The following RAVER2 variants were observed in gnomAD, a reference collection of about 807,000 sequenced individuals.
The protein encoded by RAVER2 is ribonucleoprotein PTB-binding 2.
Under a neutral mutation model 78.1 loss-of-function variants are expected in RAVER2, and 46 were observed. That is an observed-to-expected ratio of 0.59 (90% CI 0.46 to 0.75). The LOEUF (loss-of-function observed/expected upper bound fraction) is 0.75. Among genes scored for constraint, RAVER2 ranks in the 30% least tolerant of loss-of-function variants. The probability of loss-of-function intolerance (pLI) is 0.00; values close to 1 mark genes in which losing one functional copy is unlikely to be tolerated. For synonymous variants in RAVER2, 311 were observed against 313.3 expected, an observed-to-expected ratio of 0.99 and a Z score of 0.08; for missense variants, 793 against 837.5, an observed-to-expected ratio of 0.95 and a Z score of 0.66.
intron 4 of RAVER2, among the ~76,000 whole-genome samples, chr1:64,786,081 T>G (rs933382714): frequency 3.3e-5 from 5 of 152,224 alleles, no homozygotes; most frequent in African/African-American, 1.2e-4. Context: ...CTTACAATAC[T>G]TTGAAAATAT....
intron 11 of RAVER2, among the ~76,000 whole-genome samples, chr1:64,830,235 G>A (rs1654091149): frequency 6.8e-6 from 1 of 147,414 alleles, no homozygotes; most frequent in South Asian, 2.1e-4. Flanking sequence ...GAGGACATGT[G>A]GCCCACTTTC....
intron 1 of RAVER2, among the ~76,000 whole-genome samples, chr1:64,764,947 A>G (rs1652134528): frequency 6.6e-6 from 1 of 152,256 alleles, no homozygotes; most frequent in African/African-American, 2.4e-5. Flanking sequence ...AGCAACACCT[A>G]TATTAGTGTT....
At chr1:64,821,380 C>T (rs1653883978) in intron 11 of RAVER2, among the ~76,000 whole-genome samples, 1 of 152,156 alleles carries the variant, frequency 6.6e-6, no homozygotes, top group Non-Finnish European at 1.5e-5. Flanking sequence ...GTTTCTTTTG[C>T]TTGCAGAGGC....
chr1:64,809,957 A>G (rs1653559554), intron 9 of RAVER2, among the ~76,000 whole-genome samples: 1 of 152,184 alleles, frequency 6.6e-6, no homozygotes. Context: ...ATAATATTCC[A>G]TTGTACGTAT....
intron 4 of RAVER2, among the ~76,000 whole-genome samples, chr1:64,786,284 A>G (rs1020491951): frequency 1.3e-5 from 2 of 152,184 alleles, no homozygotes; most frequent in Non-Finnish European, 2.9e-5. Context: ...TAGAAATCAT[A>G]TTTGGAAGAC....
In RAVER2 at chr1:64,781,518, C is replaced by T; in HGVS notation, c.925C>T (p.Pro309Ser). 2 of 1,614,118 alleles carry T rather than the reference C, an allele frequency of 1.2e-6. No homozygotes were observed. Among genetic ancestry groups the T allele is most frequent in the South Asian group, 2.2e-5 (2 of 91,076 alleles). ...CAAAGTCCAGGTTTCCTTCTGTGCT[C>T]CTGGAGCGCCAGGGCGAAGTACATT... The change falls in exon 4 of 12, where the codon CCT becomes TCT. Residue 309 changes from proline (P) to serine (S), a missense_variant. By Grantham distance (74) the Pro-to-Ser change is moderately conservative. Coordinates refer to ENST00000294428, the Ensembl canonical transcript of RAVER2.
intron 1 of RAVER2, among the ~76,000 whole-genome samples, chr1:64,758,997 T>C (rs910530948): frequency 6.6e-6 from 1 of 151,586 alleles, no homozygotes; most frequent in Non-Finnish European, 1.5e-5. Context: ...TCTAAATCTA[T>C]CTCTTGAAGA....
rs564949468 is a variant in RAVER2, at chr1:64,754,284, C to T, written c.249+8863C>T. 1.2e-4 allele frequency among the ~76,000 whole-genome samples: 18 copies of T among 152,246 alleles called. No individual in the cohort carries two copies. The South Asian group carries it at 3.5e-3, about 30-fold the overall frequency. ...TTGATTCCAAAGCTTATATCCTTAT[C>T]TCCCATTGTATTATAATTCCTCTCT... On this transcript the variant is annotated intron_variant, in intron 1 of 11. Transcript: ENST00000294428.
At chr1:64,821,255 T>C (rs189591409) in intron 11 of RAVER2, among the ~76,000 whole-genome samples, 1 of 152,218 alleles carries the variant, frequency 6.6e-6, no homozygotes, top group South Asian at 2.1e-4. Flanking sequence ...AATGGGGTTG[T>C]TTTTTTCTTG....
At position 64,745,428 on chromosome 1, in the gene RAVER2, G is replaced by A. The variant is rs1407710895; in HGVS notation, c.249+7G>A. Reference sequence around the variant, plus strand: ...CCAGGACAGCAACTGCCAGGTACTGGGACGGTGATAGGGGCGACGCGTCCC... The same window carrying A: ...CCAGGACAGCAACTGCCAGGTACTGAGACGGTGATAGGGGCGACGCGTCCC... On this transcript the variant is annotated splice_region_variant and intron_variant, in intron 1 of 11. Transcript: ENST00000294428. This position sits in a 1 kb window ranked among gnomAD's most constrained non-coding sequence, Gnocchi z 4.3. The A allele has an allele frequency of 2.6e-6, 4 of 1,526,746 alleles. No individual in the cohort carries two copies. The highest frequency in any genetic ancestry group is 3.5e-6 in the Non-Finnish European group (4 of 1,132,814). 94.6% of individuals were successfully genotyped at this position (1,526,746 alleles called of 1,614,324 possible).
At chr1:64,809,604 G>A (rs1226621451) in intron 9 of RAVER2, among the ~76,000 whole-genome samples, 1 of 152,042 alleles carries the variant, frequency 6.6e-6, no homozygotes, top group African/African-American at 2.4e-5. Context: ...GTTTATTGTG[G>A]TAAAATATAC....
intron 4 of RAVER2, among the ~76,000 whole-genome samples, chr1:64,788,749 G>A (rs1303060333): frequency 1.4e-5 from 2 of 145,250 alleles, no homozygotes; most frequent in East Asian, 2.0e-4. Flanking sequence ...TCGAGATCAC[G>A]CCACTGCACT....
At chr1:64,806,285 C>A (rs1290110923) in intron 8 of RAVER2, among the ~76,000 whole-genome samples, 1 of 152,186 alleles carries the variant, frequency 6.6e-6, no homozygotes, top group African/African-American at 2.4e-5. Context: ...CTGGCACACG[C>A]CTGTGGTCCC....
intron 1 of RAVER2, among the ~76,000 whole-genome samples, chr1:64,765,119 G>C (rs1360332253): frequency 6.6e-6 from 1 of 152,118 alleles, no homozygotes; most frequent in African/African-American, 2.4e-5. Context: ...ACCAAGCATT[G>C]AAAGGAGTGG....
chr1:64,771,711 G>A lies in RAVER2; in HGVS notation c.316+2989G>A, dbSNP rs117895442. 2.4e-4 allele frequency among the ~76,000 whole-genome samples: 36 copies of A among 152,138 alleles called. No homozygotes were observed. In the East Asian group the frequency reaches 4.4e-3, roughly 19 times the overall value. On this transcript the variant is annotated intron_variant, in intron 2 of 11. Transcript: ENST00000294428. The stretch of plus-strand genomic sequence containing the variant: ...ACAGTACATGAAGTGGTGTGATACC[G>A]TTTGACAATTGACTGTGATAAGTTA...
At chr1:64,789,495 T>C (rs368853505) in exon 5 of RAVER2, 45 of 1,605,664 alleles carry the variant, frequency 2.8e-5, no homozygotes, top group Non-Finnish European at 3.7e-5. Flanking sequence ...CCCAGTTATG[T>C]GGACGAGCTG....
intron 4 of RAVER2, among the ~76,000 whole-genome samples, chr1:64,787,145 T>G (rs1557594265): frequency 6.6e-6 from 1 of 152,244 alleles, no homozygotes; most frequent in Non-Finnish European, 1.5e-5. Context: ...GTAATGTCTA[T>G]TACATTTATT....
intron 5 of RAVER2, among the ~76,000 whole-genome samples, chr1:64,801,771 G>C (rs976935507): frequency 6.6e-6 from 1 of 152,166 alleles, no homozygotes; most frequent in Non-Finnish European, 1.5e-5. Flanking sequence ...GGAGGCTGAG[G>C]CAGGAGAATC....
chr1:64,777,718 C>T lies in RAVER2; in HGVS notation c.412C>T (p.Gln138Ter). The T allele has an allele frequency of 6.2e-7, 1 of 1,614,028 alleles. No homozygotes were observed. The highest frequency in any genetic ancestry group is 1.1e-5 in the South Asian group (1 of 91,086). The change falls in exon 3 of 12, where the codon CAG becomes TAG. Residue 138 changes from glutamine to a stop codon, truncating the protein, a stop_gained. Transcript: ENST00000294428. LOFTEE classifies it high-confidence loss of function. ...AGGAAAAGACTTAATAGTCCAGCTT[C>T]AGCCAACAGATGCTTTGTTGTGTAT...
Sources: gnomAD v4.1 joint callset for allele counts (sites outside exome capture counted in the v4.1 genomes callset) on GRCh38, gnomAD v4.1.1 for gene constraint, Gnocchi (gnomAD v3.1) non-coding constraint, MANE v1.5 for transcripts, NCBI Gene and HGNC (gene_info 2026-07-23, HGNC 2026-07-21) for gene names.